The following USH2A variants were observed in gnomAD, a reference collection of about 807,000 sequenced individuals.
The protein encoded by USH2A is usherin.
A neutral mutation model predicts 538.9 loss-of-function variants in USH2A; 443 were observed. That is an observed-to-expected ratio of 0.82 (90% CI 0.76 to 0.89). The LOEUF (loss-of-function observed/expected upper bound fraction) is 0.89, where lower values mean the gene tolerates loss of function less well. Ranked by LOEUF, USH2A falls within the 40% of genes least tolerant of loss-of-function variation. The pLI, the probability that USH2A is intolerant of heterozygous loss-of-function variation, is 0.00. For missense variants in USH2A, 6,633 were observed against 6,324.8 expected (o/e 1.05, Z -1.65); for synonymous variants, 2,413 against 2,273.5 (o/e 1.06, Z -1.75).
At chr1:216,284,525 C>T (rs1029701384) in intron 11 of USH2A, among the ~76,000 whole-genome samples, 1 of 152,148 alleles carries the variant, frequency 6.6e-6, no homozygotes, top group African/African-American at 2.4e-5. Flanking sequence ...TTATAAATTA[C>T]CCAGTCTCAG....
intron 24 of USH2A, among the ~76,000 whole-genome samples, chr1:216,085,716 G>A (rs1159521765): frequency 1.2e-4 from 18 of 146,196 alleles, no homozygotes; most frequent in African/African-American, 4.3e-4. Flanking sequence ...GGCTGTGTAC[G>A]TGAGTGTGTG....
intron 3 of USH2A, among the ~76,000 whole-genome samples, chr1:216,381,396 T>C (rs2102733832): frequency 6.6e-6 from 1 of 152,216 alleles, no homozygotes; most frequent in East Asian, 1.9e-4. Context: ...TTCTCTGGAG[T>C]GTGAGCAATC....
chr1:216,213,067 A>G (rs1269311935), intron 15 of USH2A, among the ~76,000 whole-genome samples: 1 of 152,098 alleles, frequency 6.6e-6, no homozygotes, highest in Non-Finnish European at 1.5e-5. Context: ...AAAACAGATA[A>G]TGTACAAGTC....
At chr1:215,678,744 T>TCA (rs1407778416) in intron 62 of USH2A, among the ~76,000 whole-genome samples, 2 of 152,026 alleles carry the variant, frequency 1.3e-5, no homozygotes, top group Non-Finnish European at 2.9e-5. Context: ...GCACGTGCAC[T>TCA]CACACACGGT....
intron 14 of USH2A, among the ~76,000 whole-genome samples, chr1:216,225,261 A>G (rs1178183168): frequency 6.6e-6 from 1 of 152,214 alleles, no homozygotes. Flanking sequence ...CATTCAAAAG[A>G]GGAATGGAAA....
chr1:215,917,520 A>T (rs899289719), intron 38 of USH2A, among the ~76,000 whole-genome samples: 6 of 152,012 alleles, frequency 3.9e-5, no homozygotes, highest in African/African-American at 1.4e-4. Context: ...GTCTTTGTGA[A>T]ATTAAAAATT....
Position 216,080,091 on chromosome 1 carries a change from G to A in USH2A, c.5299-1729C>T, listed in dbSNP as rs543275211. ...GTTTGAAATGCCTATAAAACATCCA[G>A]ATGAAACTCTTTTTGAGGAAGTCAA... On this transcript the variant is annotated intron_variant, in intron 26 of 71. Coordinates refer to ENST00000307340, the MANE Select transcript of USH2A (RefSeq NM_206933.4). 3.3e-5 allele frequency: 5 copies of A among 152,178 alleles called. No individual in the cohort carries two copies. In the East Asian group the frequency reaches 9.7e-4, roughly 29 times the overall value. The allele number at this position is 152,178 out of a possible 1,614,324, so 9.4% of individuals were successfully genotyped here.
At chr1:216,090,039 A>T (rs1333781796) in intron 22 of USH2A, among the ~76,000 whole-genome samples, 1 of 152,014 alleles carries the variant, frequency 6.6e-6, no homozygotes. Context: ...CAACTTCTAA[A>T]TGGGAATGAA....
chr1:215,831,052 A>G (rs1414013422), intron 47 of USH2A, among the ~76,000 whole-genome samples: 1 of 152,198 alleles, frequency 6.6e-6, no homozygotes, highest in African/African-American at 2.4e-5. Context: ...AGCAATTGAA[A>G]GCTGGAGTGG....
chr1:216,317,714 G>A (rs2037535335), intron 9 of USH2A, among the ~76,000 whole-genome samples: 1 of 151,932 alleles, frequency 6.6e-6, no homozygotes, highest in African/African-American at 2.4e-5. Flanking sequence ...TTAGCCGCGT[G>A]TGGTGGTGTG....
rs546421642 is a variant in USH2A at position 215,829,317 on chromosome 1, C to T, written c.9371+8674G>A. ...GGGCTTGTACTGCTGAAGATGTAGT[C>T]AAAAACAAGGCATAAGTTAAGGCCA... is the stretch of plus-strand genomic sequence containing the variant. On this transcript the variant is annotated intron_variant, in intron 47 of 71. Transcript: ENST00000307340. Among the ~76,000 whole-genome samples, 7 of 152,172 alleles carry T rather than the reference C, an allele frequency of 4.6e-5. No individual in the cohort carries two copies. In the East Asian group the frequency reaches 1.4e-3, roughly 29 times the overall value.
At chr1:215,953,133 T>C (rs936363910) in intron 37 of USH2A, among the ~76,000 whole-genome samples, 15 of 152,188 alleles carry the variant, frequency 9.9e-5, no homozygotes, top group African/African-American at 3.4e-4. Flanking sequence ...AAAATGGCCA[T>C]ACTGCCCAAG....
At chr1:216,068,568 T>A (rs1446718792) in intron 30 of USH2A, among the ~76,000 whole-genome samples, 1 of 152,084 alleles carries the variant, frequency 6.6e-6, no homozygotes, top group Non-Finnish European at 1.5e-5. Flanking sequence ...TGGGCCATAC[T>A]CTACTGCAGC....
At chr1:216,248,879 C>T (rs921605126) in intron 12 of USH2A, among the ~76,000 whole-genome samples, 7 of 152,064 alleles carry the variant, frequency 4.6e-5, no homozygotes, top group Non-Finnish European at 7.4e-5. Flanking sequence ...CAAGTACAGG[C>T]GAGTTAGCAC....
chr1:216,281,838 C>T (rs1288618254), intron 11 of USH2A, among the ~76,000 whole-genome samples: 3 of 148,802 alleles, frequency 2.0e-5, no homozygotes, highest in Non-Finnish European at 4.4e-5. Context: ...AATTTCTCCA[C>T]ATCCTCACCA....
intron 71 of USH2A, among the ~76,000 whole-genome samples, chr1:215,627,383 T>C (rs1185758179): frequency 1.6e-5 from 2 of 125,284 alleles, no homozygotes; most frequent in African/African-American, 5.7e-5. Flanking sequence ...CTCCCTTCCT[T>C]CTTTCCTTCC....
Position 215,993,084 on chromosome 1 carries a change from G to A in USH2A, c.6741C>T (p.Pro2247=), listed in dbSNP as rs766287712. ...DEDIPEGVPA[P]KAHSYSPDSF... is the part of the protein sequence containing the mutation. ...AGTCAGGTGAATATGAGTGGGCTTT[G>A]GGGGCTGGCACGCCTTCGGGTATGT... Residue 2247 remains proline, a synonymous_variant, in exon 35 of 72, where the codon CCC becomes CCT. Coordinates refer to ENST00000307340, the MANE Select transcript of USH2A (RefSeq NM_206933.4). 4 of 1,614,088 alleles carry A rather than the reference G, an allele frequency of 2.5e-6. No individual in the cohort carries two copies. In the East Asian group the frequency reaches 8.9e-5, roughly 36 times the overall value.
At chr1:216,334,973 A>G (rs1000083576) in intron 4 of USH2A, among the ~76,000 whole-genome samples, 2 of 151,660 alleles carry the variant, frequency 1.3e-5, no homozygotes, top group African/African-American at 4.8e-5. Context: ...CCAACAGAAC[A>G]CTCCACCCAA....
chr1:215,889,950 A>T (rs1033193013), intron 40 of USH2A, among the ~76,000 whole-genome samples: 3 of 152,174 alleles, frequency 2.0e-5, no homozygotes, highest in African/African-American at 7.2e-5. Flanking sequence ...AAATTCTGCA[A>T]TTTGAAGGGC....
Sources: gnomAD v4.1 joint callset for allele counts (sites outside exome capture counted in the v4.1 genomes callset) on GRCh38, gnomAD v4.1.1 for gene constraint, MANE v1.5 for transcripts, NCBI Gene and HGNC (gene_info 2026-07-23, HGNC 2026-07-21) for gene names.